TGDS: variants seen among roughly 807,000 people sequenced by gnomAD.
TGDS encodes TDP-glucose 4,6-dehydratase, also known as UDP-D-glucose 4,6-dehydratase.
TGDS carries 47 observed loss-of-function variants against 52.3 expected under a neutral mutation model. That is an observed-to-expected ratio of 0.90 (90% CI 0.71 to 1.15). The LOEUF is 1.15. Among genes scored for constraint, TGDS ranks in the 50% most tolerant of loss-of-function variants. TGDS has a pLI of 0.00. For missense variants in TGDS, 375 were observed against 418.4 expected (o/e 0.90, Z 0.90); for synonymous variants, 115 against 136.9 (o/e 0.84, Z 1.12).
At chr13:94,578,597 G>C (rs1483526382) in intron 8 of TGDS, 133 bp downstream of exon 8, 1 of 667,596 alleles carries the variant, frequency 1.5e-6, no homozygotes, top group African/African-American at 1.9e-5. Context: ...CTATTACACT[G>C]GAGAAATGAT....
At chr13:94,583,987 C>T (rs533702210) in intron 4 of TGDS, among the ~76,000 whole-genome samples, 147 of 152,268 alleles carry the variant, frequency 9.7e-4, no homozygotes, top group Non-Finnish European at 1.8e-3. Flanking sequence ...AAATTAAAAA[C>T]TCAGAGATAC....
intron 5 of TGDS, 68 bp downstream of exon 5, chr13:94,583,026 T>G: frequency 1.3e-6 from 2 of 1,544,724 alleles, no homozygotes; most frequent in East Asian, 4.5e-5. Context: ...AAAAGCCCAG[T>G]GTAGGTTTAA....
intron 1 of TGDS, among the ~76,000 whole-genome samples, chr13:94,595,498 A>G (rs2139550999): frequency 6.6e-6 from 1 of 152,318 alleles, no homozygotes; most frequent in Non-Finnish European, 1.5e-5. Flanking sequence ...AAAAGATGAC[A>G]GTAAACATGG....
At chr13:94,590,154 AC>A (rs1889147232) in intron 4 of TGDS, among the ~76,000 whole-genome samples, 1 of 148,340 alleles carries the variant, frequency 6.7e-6, no homozygotes, top group African/African-American at 2.4e-5. Flanking sequence ...AACAAAAAAA[AC>A]TCTACATATC....
intron 1 of TGDS, among the ~76,000 whole-genome samples, chr13:94,595,801 C>T (rs879330075): frequency 2.5e-4 from 38 of 152,066 alleles, no homozygotes; most frequent in Middle Eastern, 3.4e-3. Flanking sequence ...ATGGTGAGCA[C>T]CTCCGGCCAC....
Position 94,587,720 on chromosome 13 carries a change from G to A in TGDS, c.313+3133C>T, listed in dbSNP as rs371168065. Among the ~76,000 whole-genome samples the A allele has an allele frequency of 9.9e-5, 15 of 152,176 alleles. No individual in the cohort carries two copies. The South Asian group carries it at 1.2e-3, about 13-fold the overall frequency. ...ATGAGTTCTTAATCAAGACAGAGCC[G>A]GGTGCGGTGGCTCACGCCTGTAATC... On this transcript the variant is annotated intron_variant, in intron 4 of 11. Coordinates refer to ENST00000261296, the MANE Select transcript of TGDS (RefSeq NM_014305.4).
chr13:94,592,710 TC>T (rs1889247884), intron 2 of TGDS, among the ~76,000 whole-genome samples: 1 of 152,130 alleles, frequency 6.6e-6, no homozygotes, highest in African/African-American at 2.4e-5. Context: ...TGCCTCAGCC[TC>T]CCAAAGTGCT....
intron 9 of TGDS, 87 bp from the exon 10 acceptor site, chr13:94,577,516 A>G (rs1043846890): frequency 1.9e-6 from 2 of 1,066,786 alleles, no homozygotes; most frequent in East Asian, 5.4e-5. Flanking sequence ...TAAAAAGAAA[A>G]CAACTGCCTC....
At position 94,578,131 on chromosome 13, in the gene TGDS, A is replaced by G. The variant is rs935087556; in HGVS notation, c.699T>C (p.Leu233=). ...ATGCTTCTACAACATCAGTAGCATA[A>G]AGGAAGTTTCTTGTTTGAAGCCCTG... is the stretch of plus-strand genomic sequence containing the variant. ...HGSGLQTRNF[L]YATDVVEAFL... Residue 233 remains leucine (L), a synonymous_variant, in exon 9 of 12, where the codon CTT becomes CTC. Coordinates refer to ENST00000261296, the MANE Select transcript of TGDS (RefSeq NM_014305.4). 4.3e-6 allele frequency: 7 copies of G among 1,613,684 alleles called. No homozygotes were observed. The highest frequency in any genetic ancestry group is 5.1e-6 in the Non-Finnish European group (6 of 1,179,848).
chr13:94,574,872 GAC>G lies in TGDS; in HGVS notation c.983-22_983-21del, dbSNP rs1888541109. Reference sequence around the variant, plus strand: ...ATTCAACTAATAGGAAAAAACAAAAGACAAAAAAAAAAAAGAAAAGAAAGAAA... The same window carrying G: ...ATTCAACTAATAGGAAAAAACAAAAGAAAAAAAAAAAAGAAAAGAAAGAAA... On this transcript the variant is annotated intron_variant, in intron 11 of 11. Transcript: ENST00000261296. The G allele has an allele frequency of 9.2e-7, 1 of 1,081,106 alleles. No homozygotes were observed. Among genetic ancestry groups the G allele is most frequent in the Non-Finnish European group, 1.2e-6 (1 of 808,036 alleles). The allele number at this position is 1,081,106 out of a possible 1,614,324, so 67.0% of individuals were successfully genotyped here.
At chr13:94,596,268 G>A (rs1889383641), upstream of TGDS, 3 of 1,007,560 alleles carry the variant, frequency 3.0e-6, no homozygotes, top group South Asian at 3.3e-5. Flanking sequence ...AGCTTCCGGA[G>A]ACTGCTCTGT....
chr13:94,576,181 T>C, intron 11 of TGDS, 133 bp downstream of exon 11: 1 of 529,052 alleles, frequency 1.9e-6, no homozygotes, highest in Non-Finnish European at 3.1e-6. Context: ...TAGAAATATA[T>C]GAAATGTGGC....
chr13:94,590,555 A>C (rs1425603369), intron 4 of TGDS, among the ~76,000 whole-genome samples: 1 of 152,238 alleles, frequency 6.6e-6, no homozygotes, highest in Non-Finnish European at 1.5e-5. Context: ...CCACAACAAA[A>C]TTTAAGAAAA....
rs1250187037 is a variant in TGDS at position 94,593,891 on chromosome 13, C to T, written c.103G>A (p.Val35Ile). The T allele has an allele frequency of 3.8e-6, 6 of 1,580,604 alleles. No individual in the cohort carries two copies. The highest frequency in any genetic ancestry group is 3.3e-4 in the Middle Eastern group (2 of 5,978). The part of the protein sequence containing the change: ...GAGFIASHMI[V>I]SLVEDYPNYM... Reference sequence around the variant, plus strand: ...TTTGGATAATCTTCCACTAAAGAGACAATCATATGTGATGCACTATGGAAA... The same window carrying T: ...TTTGGATAATCTTCCACTAAAGAGATAATCATATGTGATGCACTATGGAAA... The change falls in exon 2 of 12, where the codon GTC becomes ATC. Residue 35 changes from valine to isoleucine, a missense_variant. Physicochemically the swap from Val to Ile is conservative, Grantham distance 29. Coordinates refer to ENST00000261296, the MANE Select transcript of TGDS (RefSeq NM_014305.4).
rs1412605875 is a variant in TGDS at position 94,592,319 on chromosome 13, A to C, written c.154-10T>G. The C allele has an allele frequency of 6.3e-7, 1 of 1,589,608 alleles. No individual in the cohort carries two copies. Among genetic ancestry groups the C allele is most frequent in the East Asian group, 2.2e-5 (1 of 44,656 alleles). On this transcript the variant is annotated splice_polypyrimidine_tract_variant and intron_variant, in intron 2 of 11. Transcript: ENST00000261296. ...TTGCACAGTAATCCAGCTTGAAAGA[A>C]GAGAGCACAGAAGGGGCAACACAAA...
intron 4 of TGDS, among the ~76,000 whole-genome samples, chr13:94,590,098 G>A (rs9524548): frequency 0.67 from 99,533 of 149,524 alleles, 33,344 homozygotes; most frequent in Admixed American, 0.72. Flanking sequence ...CAAACAAACT[G>A]TATCTATATC....
chr13:94,584,631 C>A (rs2139528000), intron 4 of TGDS, among the ~76,000 whole-genome samples: 1 of 152,304 alleles, frequency 6.6e-6, no homozygotes, highest in African/African-American at 2.4e-5. Context: ...AGACTGTGGC[C>A]TCTAAACACC....
chr13:94,578,735 C>G lies in TGDS; in HGVS notation c.654G>C (p.Arg218Ser). The G allele has an allele frequency of 2.6e-6, 4 of 1,531,962 alleles. No individual in the cohort carries two copies. The highest frequency in any genetic ancestry group is 1.7e-4 in the Middle Eastern group (1 of 5,816). The allele number at this position is 1,531,962 out of a possible 1,614,324, so 94.9% of individuals were successfully genotyped here. A position where few individuals can be genotyped will look rare whatever the true frequency, so the allele number is the denominator to read the frequency against. ...AAAAGGTAATAATAACATACCATTT[C>G]CTGTTGTGCTGTAGCAAAGATATAA... ...PKFISLLQHNRKCCIHGSGLQ... is the reference protein window; with the variant it reads ...PKFISLLQHNSKCCIHGSGLQ... The change falls in exon 8 of 12, where the codon AGG becomes AGC. Residue 218 changes from arginine to serine, a missense_variant. Coordinates refer to ENST00000261296, the MANE Select transcript of TGDS (RefSeq NM_014305.4).
chr13:94,586,953 C>G (rs1889011426), intron 4 of TGDS, among the ~76,000 whole-genome samples: 1 of 151,876 alleles, frequency 6.6e-6, no homozygotes, highest in African/African-American at 2.4e-5. Context: ...TTTGTACAGA[C>G]AGGGTCTCAC....
Sources: gnomAD v4.1 joint callset for allele counts (sites outside exome capture counted in the v4.1 genomes callset) on GRCh38, gnomAD v4.1.1 for gene constraint, MANE v1.5 for transcripts, NCBI Gene and HGNC (gene_info 2026-07-23, HGNC 2026-07-21) for gene names.